HEATR5B: variants seen among roughly 807,000 people sequenced by gnomAD.
HEATR5B encodes the protein HEAT repeat-containing protein 5B.
HEATR5B carries 156 observed loss-of-function variants against 224.1 expected under a neutral mutation model. The observed-to-expected ratio is 0.70, with a 90% CI of 0.61 to 0.80. The LOEUF (loss-of-function observed/expected upper bound fraction) is 0.80, where lower values mean the gene tolerates loss of function less well. HEATR5B is among the 30% of genes least tolerant of loss of function. The probability of loss-of-function intolerance (pLI) is 0.00; values close to 1 mark genes in which losing one functional copy is unlikely to be tolerated. For synonymous variants in HEATR5B, 1,027 were observed against 893.0 expected (o/e 1.15, Z -2.68); for missense variants, 2,323 against 2,535.5 (o/e 0.92, Z 1.80).
At chr2:36,993,522 A>G (rs1666477986) in intron 33 of HEATR5B, among the ~76,000 whole-genome samples, 3 of 151,652 alleles carry the variant, frequency 2.0e-5, no homozygotes, top group Admixed American at 2.0e-4. Flanking sequence ...CAGCCTGGGC[A>G]ACAGAGTGAG....
chr2:37,040,953 C>A, intron 19 of HEATR5B, 180 bp downstream of exon 19: 1 of 535,408 alleles, frequency 1.9e-6, no homozygotes, highest in African/African-American at 1.9e-5. Context: ...GTAAAATTCT[C>A]AGAATAAGAC....
intron 25 of HEATR5B, 92 bp downstream of exon 25, chr2:37,020,563 A>G (rs549048777): frequency 1.2e-6 from 1 of 825,822 alleles, no homozygotes; most frequent in East Asian, 2.8e-5. Flanking sequence ...AACAGATTGC[A>G]GTTCCAAATG....
At chr2:37,066,540 T>A (rs1013866376) in intron 8 of HEATR5B, among the ~76,000 whole-genome samples, 11 of 152,216 alleles carry the variant, frequency 7.2e-5, no homozygotes, top group African/African-American at 2.4e-4. Context: ...GGAATGTTTC[T>A]GTAAGTTCCC....
At position 37,076,947 on chromosome 2, in the gene HEATR5B, C is replaced by T. The variant is rs745533319; in HGVS notation, c.411G>A (p.Thr137=). The T allele has an allele frequency of 3.3e-5, 54 of 1,613,818 alleles. No homozygotes were observed. The highest frequency in any genetic ancestry group is 5.0e-5 in the Admixed American group (3 of 59,992). Reference sequence around the variant, plus strand: ...TCAGAGATTTCAATAGATTATTTACCGTTTCTGGAAATGCGCTGCCCAACA... The same window carrying T: ...TCAGAGATTTCAATAGATTATTTACTGTTTCTGGAAATGCGCTGCCCAACA... ...GRMLGSAFPE[T]VNNLLKSLKS... is the part of the protein sequence containing the mutation. Residue 137 remains threonine (T), a synonymous_variant, in exon 4 of 36, where the codon ACG becomes ACA. Transcript: ENST00000233099.
intron 35 of HEATR5B, among the ~76,000 whole-genome samples, chr2:36,982,708 T>C (rs1441470604): frequency 6.6e-6 from 1 of 152,068 alleles, no homozygotes; most frequent in Non-Finnish European, 1.5e-5. Flanking sequence ...TGGACCTTAC[T>C]CCCTATTTTC....
chr2:36,983,547 A>G (rs933221899), intron 35 of HEATR5B, among the ~76,000 whole-genome samples: 7 of 151,440 alleles, frequency 4.6e-5, no homozygotes, highest in African/African-American at 1.7e-4. Context: ...CTCAAAAAAC[A>G]AAACAAAACA....
intron 33 of HEATR5B, among the ~76,000 whole-genome samples, chr2:36,999,265 G>A (rs1666930995): frequency 6.6e-6 from 1 of 152,038 alleles, no homozygotes; most frequent in Admixed American, 6.6e-5. Flanking sequence ...ATATCAACAT[G>A]TAGTTCCATG....
Position 37,084,274 on chromosome 2 carries a change from A to G in HEATR5B, c.-28T>C. On this transcript the variant is annotated 5_prime_UTR_variant, in exon 1 of 36. Transcript: ENST00000233099. ...GCATGCTTCGGCGACCTCACCTCGT[A>G]GTCTGGAAGGGAAGATCAGCTGAGC... The G allele has an allele frequency of 2.5e-6, 1 of 392,236 alleles. No individual in the cohort carries two copies. The highest frequency in any genetic ancestry group is 3.6e-5 in the East Asian group (1 of 27,704). The allele number at this position is 392,236 out of a possible 1,614,324, so 24.3% of individuals were successfully genotyped here. A position where few individuals can be genotyped will look rare whatever the true frequency, so the allele number is the denominator to read the frequency against.
chr2:37,043,274 A>G (rs1172285500), intron 18 of HEATR5B, among the ~76,000 whole-genome samples: 5 of 152,236 alleles, frequency 3.3e-5, no homozygotes, highest in African/African-American at 1.2e-4. Flanking sequence ...GACACAAAGC[A>G]CAATCAAATC....
At chr2:37,075,407 T>G (rs1672163294) in intron 5 of HEATR5B, 78 bp downstream of exon 5, 1 of 1,054,118 alleles carries the variant, frequency 9.5e-7, no homozygotes, top group Admixed American at 4.2e-5. Flanking sequence ...ATTTAAAATT[T>G]TAAAAGAAAA....
intron 15 of HEATR5B, 149 bp downstream of exon 15, chr2:37,057,168 T>C (rs1279505109): frequency 9.8e-6 from 5 of 508,538 alleles, no homozygotes; most frequent in Admixed American, 4.2e-5. Flanking sequence ...TTTTTCACTA[T>C]CTACCACCAG....
chr2:37,009,496 A>C (rs1667653084), intron 27 of HEATR5B, among the ~76,000 whole-genome samples: 1 of 151,916 alleles, frequency 6.6e-6, no homozygotes, highest in Non-Finnish European at 1.5e-5. Context: ...AGGATCGCTT[A>C]AGCCCAGGAG....
chr2:37,040,604 C>T (rs1669811520), intron 19 of HEATR5B, 86 bp from the exon 20 acceptor site: 1 of 932,708 alleles, frequency 1.1e-6, no homozygotes, highest in Admixed American at 3.3e-5. Context: ...CATGGGTATA[C>T]TCTTAATATT....
chr2:37,046,877 T>C lies in HEATR5B; in HGVS notation c.2696+2776A>G, dbSNP rs939818727. On this transcript the variant is annotated intron_variant, in intron 18 of 35. Transcript: ENST00000233099. ...CTACCCTGGCCAACATGGTGAAACG[T>C]TGTCTCTACTAAAAATACAAGAATT... Among the ~76,000 whole-genome samples the C allele has an allele frequency of 4.7e-4, 70 of 149,614 alleles. 1 individual carries two copies. The highest frequency in any genetic ancestry group is 1.2e-4 in the Non-Finnish European group (8 of 67,306).
chr2:37,058,836 A>T (rs1671074637), intron 13 of HEATR5B, 52 bp downstream of exon 13: 1 of 1,064,592 alleles, frequency 9.4e-7, no homozygotes, highest in South Asian at 1.5e-5. Context: ...GCTGAGAAGT[A>T]TATTATTAAT....
chr2:36,982,965 C>T (rs1410189157), intron 35 of HEATR5B, among the ~76,000 whole-genome samples: 1 of 151,176 alleles, frequency 6.6e-6, no homozygotes, highest in African/African-American at 2.4e-5. Context: ...GAAATGTAAG[C>T]TCCATGAGAT....
At position 37,040,525 on chromosome 2, in the gene HEATR5B, T is replaced by A; in HGVS notation, c.2857-7A>T. The A allele has an allele frequency of 1.3e-6, 2 of 1,588,234 alleles. No homozygotes were observed. Among genetic ancestry groups the A allele is most frequent in the Non-Finnish European group, 1.7e-6 (2 of 1,167,320 alleles). ...GTGAATGAAGAGACCAAGTCTAGAA[T>A]AAAATATAATTTCATTTTAGTTGTA... On this transcript the variant is annotated splice_region_variant and splice_polypyrimidine_tract_variant and intron_variant, in intron 19 of 35. Coordinates refer to ENST00000233099, the MANE Select transcript of HEATR5B (RefSeq NM_019024.3).
Position 37,075,554 on chromosome 2 carries a change from A to G in HEATR5B, c.528T>C (p.Arg176=), listed in dbSNP as rs1232275033. Residue 176 remains arginine, a synonymous_variant, in exon 5 of 36, where the codon CGT becomes CGC. Coordinates refer to ENST00000233099, the MANE Select transcript of HEATR5B (RefSeq NM_019024.3). The part of the protein sequence containing the change: ...GLGGAAASSH[R]DIYKNARSLL... Reference sequence around the variant, plus strand: ...GAGACCTGGCATTCTTGTAAATATCACGATGGGAGGAAGCTGCTGCACCAC... The same window carrying G: ...GAGACCTGGCATTCTTGTAAATATCGCGATGGGAGGAAGCTGCTGCACCAC... The G allele has an allele frequency of 6.2e-7, 1 of 1,613,856 alleles. No individual in the cohort carries two copies. Among genetic ancestry groups the G allele is most frequent in the South Asian group, 1.1e-5 (1 of 91,084 alleles).
intron 26 of HEATR5B, among the ~76,000 whole-genome samples, chr2:37,019,112 C>CGCATGCCA (rs1668305059): frequency 6.6e-6 from 1 of 151,650 alleles, no homozygotes; most frequent in South Asian, 2.1e-4. Context: ...GAGCAGAGAT[C>CGCATGCCA]GCATGCCACT....
Sources: allele counts gnomAD v4.1 joint callset (sites outside exome capture counted in the v4.1 genomes callset), GRCh38; gene constraint gnomAD v4.1.1; transcripts MANE v1.5; gene names NCBI Gene and HGNC (gene_info 2026-07-23, HGNC 2026-07-21).